Variants in BEAN1 observed in about 807,000 individuals in gnomAD.
The protein encoded by BEAN1 is protein BEAN1.
BEAN1 carries 17 observed loss-of-function variants against 17.7 expected under a neutral mutation model. The ratio of observed to expected loss-of-function variants is 0.96; its 90% CI spans 0.66 to 1.44. The LOEUF is 1.44. BEAN1 is among the 40% of genes most tolerant of loss of function. BEAN1 has a pLI of 0.00. For synonymous variants in BEAN1, 142 were observed against 151.8 expected (o/e 0.94, Z 0.47); for missense variants, 359 against 374.1 (o/e 0.96, Z 0.33).
At chr16:66,463,658 CT>C (rs1963165288) in intron 2 of BEAN1, among the ~76,000 whole-genome samples, 1 of 152,140 alleles carries the variant, frequency 6.6e-6, no homozygotes, top group Non-Finnish European at 1.5e-5. Context: ...ATCTATTTTT[CT>C]TTTGCTTCTT....
chr16:66,474,570 G>A (rs1373602112), intron 3 of BEAN1, among the ~76,000 whole-genome samples: 2 of 66,574 alleles, frequency 3.0e-5, no homozygotes, highest in African/African-American at 1.6e-4. Flanking sequence ...GGGAGGGAGA[G>A]AGGGAGGGAG....
chr16:66,431,387 G>T (rs1003072173), intron 1 of BEAN1, among the ~76,000 whole-genome samples: 1 of 152,042 alleles, frequency 6.6e-6, no homozygotes, highest in Non-Finnish European at 1.5e-5. Context: ...ATGTTTTTTT[G>T]AGTCTTCATT....
Position 66,471,435 on chromosome 16 carries a change from A to G in BEAN1, c.289+1570A>G, listed in dbSNP as rs1549610. ...GCTGCCCCGCTGCACAGCACTGCCC[A>G]GGAAGGGAGCTGGAGGTGTCGGGGA... On this transcript the variant is annotated intron_variant, in intron 3 of 4. Coordinates refer to ENST00000536005, the MANE Select transcript of BEAN1 (RefSeq NM_001178020.3). The surrounding 1 kb of genome is among the most constrained non-coding windows in gnomAD (Gnocchi z 4.7). Among the ~76,000 whole-genome samples, 40,609 of 152,194 alleles carry G rather than the reference A, an allele frequency of 0.27. 7,077 individuals carry two copies. Among genetic ancestry groups the G allele is most frequent in the African/African-American group, 0.47 (19,624 of 41,520 alleles).
chr16:66,462,018 T>G (rs534213502), intron 2 of BEAN1, among the ~76,000 whole-genome samples: 1 of 152,324 alleles, frequency 6.6e-6, no homozygotes, highest in South Asian at 2.1e-4. Flanking sequence ...TGGAGTGCTG[T>G]GTTGAGAAGG....
At chr16:66,438,446 C>CCACT (rs1428269502) in intron 2 of BEAN1, among the ~76,000 whole-genome samples, 2 of 152,002 alleles carry the variant, frequency 1.3e-5, no homozygotes, top group Non-Finnish European at 2.9e-5. Flanking sequence ...AAGAGAAAAC[C>CCACT]CACTGCTCCT....
chr16:66,473,013 C>T lies in BEAN1; in HGVS notation c.289+3148C>T, dbSNP rs975898116. ...CAGCCTGGGTGACAGCAGAGAGAGA[C>T]CCTGTCTCTAAAAAAATAAAAAAAT... On this transcript the variant is annotated intron_variant, in intron 3 of 4. Coordinates refer to ENST00000536005, the MANE Select transcript of BEAN1 (RefSeq NM_001178020.3). This position sits in a 1 kb window ranked among gnomAD's most constrained non-coding sequence, Gnocchi z 4.5. 2.0e-5 allele frequency among the ~76,000 whole-genome samples: 3 copies of T among 152,074 alleles called. No individual in the cohort carries two copies.
chr16:66,484,896 C>T, downstream of BEAN1: 1 of 454,148 alleles, frequency 2.2e-6, no homozygotes, highest in Non-Finnish European at 4.4e-6. This position sits in a 1 kb window ranked among gnomAD's most constrained non-coding sequence, Gnocchi z 4.2. Context: ...TTCATTCCTG[C>T]CCCTTGTGGA....
chr16:66,462,621 G>C (rs1365768485), intron 2 of BEAN1, among the ~76,000 whole-genome samples: 1 of 152,160 alleles, frequency 6.6e-6, no homozygotes, highest in African/African-American at 2.4e-5. Context: ...GGCCAGCATG[G>C]TGAAGCCCTG....
intron 2 of BEAN1, among the ~76,000 whole-genome samples, chr16:66,462,040 G>A (rs1963107224): frequency 6.6e-6 from 1 of 152,230 alleles, no homozygotes; most frequent in Non-Finnish European, 1.5e-5. Flanking sequence ...TGCTGAGTCT[G>A]CCTTCTGAAC....
At chr16:66,440,123 C>CTTT (rs386384954) in intron 2 of BEAN1, among the ~76,000 whole-genome samples, 332 of 75,312 alleles carry the variant, frequency 4.4e-3, no homozygotes, top group Non-Finnish European at 4.9e-3. Flanking sequence ...TTGGGTACTT[C>CTTT]TTTTTTTTTT....
chr16:66,444,978 CTTCCA>C (rs1962390595), intron 2 of BEAN1, among the ~76,000 whole-genome samples: 1 of 152,236 alleles, frequency 6.6e-6, no homozygotes, highest in Non-Finnish European at 1.5e-5. Flanking sequence ...CAGGCATCCT[CTTCCA>C]TTCATTTATT....
chr16:66,448,471 AG>A (rs1962540153), intron 2 of BEAN1, among the ~76,000 whole-genome samples: 1 of 152,202 alleles, frequency 6.6e-6, no homozygotes, highest in African/African-American at 2.4e-5. Flanking sequence ...ACATACAGAA[AG>A]GTGCACCAAC....
intron 1 of BEAN1, among the ~76,000 whole-genome samples, chr16:66,435,149 C>A (rs559044060): frequency 1.5e-4 from 23 of 152,178 alleles, no homozygotes; most frequent in Admixed American, 1.5e-3. Flanking sequence ...GGATGATCAG[C>A]CCAGGGTGTC....
At position 66,434,216 on chromosome 16, in the gene BEAN1, C is replaced by T. The variant is rs376656943; in HGVS notation, c.-82-3379C>T. Among the ~76,000 whole-genome samples the T allele has an allele frequency of 5.3e-5, 8 of 150,116 alleles. No individual in the cohort carries two copies. The South Asian group carries it at 1.1e-3, about 20-fold the overall frequency. ...GCTGGGGTGGGCCTGCCCCCGACCC[C>T]GACCCCAACCCCGACCCCGACCCCT... On this transcript the variant is annotated intron_variant, in intron 1 of 4. Coordinates refer to ENST00000536005, the MANE Select transcript of BEAN1 (RefSeq NM_001178020.3). The surrounding 1 kb of genome is among the most constrained non-coding windows in gnomAD (Gnocchi z 4.3).
At chr16:66,440,458 C>T (rs758352287) in intron 2 of BEAN1, among the ~76,000 whole-genome samples, 1 of 152,156 alleles carries the variant, frequency 6.6e-6, no homozygotes, top group Admixed American at 6.5e-5. Flanking sequence ...TTTGTGATGA[C>T]TTCTCCTGCT....
rs573785313 is a variant in BEAN1 at position 66,432,573 on chromosome 16, G to A, written c.-82-5022G>A. Among the ~76,000 whole-genome samples the A allele has an allele frequency of 1.2e-4, 18 of 152,300 alleles. No homozygotes were observed. In the South Asian group the frequency reaches 2.5e-3, roughly 21 times the overall value. On this transcript the variant is annotated intron_variant, in intron 1 of 4. Transcript: ENST00000536005. ...CATCATGCCTTCACTCAGCAGTCAC[G>A]GGGCACTTCCTATGTGCCAGGCACC... is the stretch of plus-strand genomic sequence containing the variant.
intron 2 of BEAN1, among the ~76,000 whole-genome samples, chr16:66,455,087 G>C (rs1016184174): frequency 6.6e-6 from 1 of 152,100 alleles, no homozygotes; most frequent in Non-Finnish European, 1.5e-5. Context: ...TGCATGTATG[G>C]ACTGCTAAAT....
intron 2 of BEAN1, among the ~76,000 whole-genome samples, chr16:66,457,076 C>A (rs1217655680): frequency 6.6e-6 from 1 of 152,178 alleles, no homozygotes; most frequent in African/African-American, 2.4e-5. Flanking sequence ...AGTGCCAGGG[C>A]AGCTGTGTGG....
At chr16:66,450,137 T>C (rs187944399) in intron 2 of BEAN1, among the ~76,000 whole-genome samples, 125 of 152,324 alleles carry the variant, frequency 8.2e-4, no homozygotes, top group Non-Finnish European at 1.6e-3. Context: ...AGCTCAATCT[T>C]AGCACATCCA....
Sources: gnomAD v4.1 joint callset for allele counts (sites outside exome capture counted in the v4.1 genomes callset) on GRCh38, gnomAD v4.1.1 for gene constraint, Gnocchi (gnomAD v3.1) non-coding constraint, MANE v1.5 for transcripts, NCBI Gene and HGNC (gene_info 2026-07-23, HGNC 2026-07-21) for gene names.